The following SETBP1 variants were observed in gnomAD, a reference collection of about 807,000 sequenced individuals.
The protein encoded by SETBP1 is SET-binding protein.
In SETBP1, 9 loss-of-function variants were observed where a neutral mutation model predicts 101.0. That is an observed-to-expected ratio of 0.09 (90% CI 0.05 to 0.16). The LOEUF (loss-of-function observed/expected upper bound fraction) is 0.16, where lower values mean the gene tolerates loss of function less well. SETBP1 is among the 10% of genes least tolerant of loss of function. The pLI is 1.00. For synonymous variants in SETBP1, 818 were observed against 788.5 expected, an observed-to-expected ratio of 1.04 and a Z score of -0.63; for missense variants, 1,858 against 2,033.8, an observed-to-expected ratio of 0.91 and a Z score of 1.66.
At chr18:44,771,107 C>A (rs538461716) in intron 2 of SETBP1, among the ~76,000 whole-genome samples, 1 of 151,840 alleles carries the variant, frequency 6.6e-6, no homozygotes, top group East Asian at 1.9e-4. Context: ...CTGGCTGCAT[C>A]AGAATTACCT....
chr18:44,985,249 C>T (rs1052013706), intron 4 of SETBP1, among the ~76,000 whole-genome samples: 77 of 151,912 alleles, frequency 5.1e-4, no homozygotes, highest in Non-Finnish European at 3.4e-4. Context: ...ACAAGAAAGT[C>T]TTAAAAAAAA....
At chr18:44,791,443 C>T (rs1253831605) in intron 2 of SETBP1, among the ~76,000 whole-genome samples, 1 of 152,146 alleles carries the variant, frequency 6.6e-6, no homozygotes, top group African/African-American at 2.4e-5. Context: ...CATGCACACC[C>T]ACACAGATAA....
chr18:44,898,036 C>T (rs937183368), intron 3 of SETBP1, among the ~76,000 whole-genome samples: 3 of 152,128 alleles, frequency 2.0e-5, no homozygotes, highest in African/African-American at 7.2e-5. Flanking sequence ...TGATAGTGCC[C>T]AGACTTCTGA....
intron 2 of SETBP1, among the ~76,000 whole-genome samples, 192 bp downstream of exon 2, chr18:44,702,024 C>G (rs1395350457): frequency 6.6e-6 from 1 of 152,166 alleles, no homozygotes; most frequent in Non-Finnish European, 1.5e-5. Context: ...TAATAGCTTA[C>G]TGTTGACCGG....
intron 4 of SETBP1, among the ~76,000 whole-genome samples, chr18:45,018,991 G>C (rs2073004898): frequency 1.3e-5 from 2 of 152,156 alleles, no homozygotes; most frequent in Admixed American, 6.5e-5. Flanking sequence ...CTCCTAATGA[G>C]AGATTTTCAA....
At chr18:44,954,329 TAAAA>T (rs5824565) in intron 4 of SETBP1, among the ~76,000 whole-genome samples, 3 of 71,584 alleles carry the variant, frequency 4.2e-5, no homozygotes, top group South Asian at 5.9e-4. Context: ...TTGCAGAAGC[TAAAA>T]AAAAAAAAAA....
At chr18:44,683,512 G>A (rs146788983) in intron 1 of SETBP1, among the ~76,000 whole-genome samples, 129 of 152,298 alleles carry the variant, frequency 8.5e-4, no homozygotes, top group African/African-American at 2.9e-3. Flanking sequence ...ATTCCTCTAG[G>A]GGATGAATCG....
chr18:45,009,276 A>C (rs2072789806), intron 4 of SETBP1, among the ~76,000 whole-genome samples: 1 of 151,414 alleles, frequency 6.6e-6, no homozygotes, highest in Admixed American at 6.6e-5. Flanking sequence ...TCCCTGTGGC[A>C]ACGCAGTGTA....
At chr18:44,798,613 A>G (rs933956603) in intron 2 of SETBP1, among the ~76,000 whole-genome samples, 1 of 152,206 alleles carries the variant, frequency 6.6e-6, no homozygotes, top group Non-Finnish European at 1.5e-5. Flanking sequence ...GAGGAAAGTC[A>G]TCATTTTTCC....
At chr18:44,716,097 C>T (rs979208503) in intron 2 of SETBP1, among the ~76,000 whole-genome samples, 7 of 152,104 alleles carry the variant, frequency 4.6e-5, no homozygotes, top group Non-Finnish European at 1.0e-4. Context: ...ATACCAATTT[C>T]CCTTTGTTCC....
At chr18:44,829,803 C>T (rs530376636) in intron 2 of SETBP1, among the ~76,000 whole-genome samples, 1 of 152,336 alleles carries the variant, frequency 6.6e-6, no homozygotes, top group South Asian at 2.1e-4. Flanking sequence ...TTTGGCCATG[C>T]TCAAGGCCAG....
intron 3 of SETBP1, chr18:44,870,013 A>C (rs975143484): frequency 6.4e-6 from 1 of 155,490 alleles, no homozygotes; most frequent in East Asian, 1.9e-4. Context: ...ATCAATCCAA[A>C]GGTGATCATT....
intron 2 of SETBP1, among the ~76,000 whole-genome samples, chr18:44,738,071 C>T (rs905483493): frequency 2.0e-5 from 3 of 152,160 alleles, no homozygotes; most frequent in African/African-American, 7.2e-5. Context: ...CATGCTCATT[C>T]TCTGGGTCTT....
chr18:45,058,644 A>G (rs759188263), intron 5 of SETBP1, among the ~76,000 whole-genome samples: 3 of 152,198 alleles, frequency 2.0e-5, no homozygotes, highest in Non-Finnish European at 4.4e-5. Context: ...GCTATTATTC[A>G]CACAGAGGAA....
Position 45,063,079 on chromosome 18 carries a change from T to A in SETBP1, c.4172T>A (p.Val1391Asp), listed in dbSNP as rs571532231. The A allele has an allele frequency of 6.2e-7, 1 of 1,613,868 alleles. No individual in the cohort carries two copies. Among genetic ancestry groups the A allele is most frequent in the Admixed American group, 1.7e-5 (1 of 59,996 alleles). ...LAASAATSDA[V>D]GSSLKKRFKR... ...TTTCTTATCTCTTCCCCTCCCGCAGTCGGCTCCTCCCTGAAGAAGAGGTTC... is the reference window on the plus strand; with the variant it reads ...TTTCTTATCTCTTCCCCTCCCGCAGACGGCTCCTCCCTGAAGAAGAGGTTC... Residue 1391 changes from valine to aspartate, a missense_variant and splice_region_variant, in exon 6 of 6, where the codon GTC becomes GAC. Transcript: ENST00000649279.
intron 2 of SETBP1, among the ~76,000 whole-genome samples, chr18:44,769,423 A>G (rs911300541): frequency 1.3e-5 from 2 of 152,250 alleles, no homozygotes; most frequent in Non-Finnish European, 1.5e-5. Context: ...TCCTTTCAGA[A>G]TGTGCTGTTT....
In SETBP1 at chr18:44,812,960, T is replaced by A. The variant is rs182178395; in HGVS notation, c.487-56270T>A. On this transcript the variant is annotated intron_variant, in intron 2 of 5. Coordinates refer to ENST00000649279, the MANE Select transcript of SETBP1 (RefSeq NM_015559.3). ...TCCCTTCCATGGCATTAGCCATGGG[T>A]GACATCAGAGGTCTCTTTGGGGCCA... is the stretch of plus-strand genomic sequence containing the variant. Among the ~76,000 whole-genome samples the A allele has an allele frequency of 2.8e-4, 42 of 152,212 alleles. 1 individual carries two copies. In the East Asian group the frequency reaches 6.2e-3, roughly 22 times the overall value.
At chr18:45,007,491 A>G (rs2072754321) in intron 4 of SETBP1, among the ~76,000 whole-genome samples, 1 of 151,920 alleles carries the variant, frequency 6.6e-6, no homozygotes, top group Non-Finnish European at 1.5e-5. Flanking sequence ...GATAAAGCCT[A>G]TGAGGCCTCC....
At chr18:44,875,816 A>C (rs530994598) in intron 3 of SETBP1, among the ~76,000 whole-genome samples, 91 of 152,348 alleles carry the variant, frequency 6.0e-4, no homozygotes, top group African/African-American at 2.2e-3. Context: ...AAGGTCACCA[A>C]GCCCATATGT....
Sources: allele counts gnomAD v4.1 joint callset (sites outside exome capture counted in the v4.1 genomes callset), GRCh38; gene constraint gnomAD v4.1.1; transcripts MANE v1.5; gene names NCBI Gene and HGNC (gene_info 2026-07-23, HGNC 2026-07-21).